KLHL14: variants seen among roughly 807,000 people sequenced by gnomAD.
KLHL14 encodes the protein kelch-like protein 14.
Under a neutral mutation model 64.3 loss-of-function variants are expected in KLHL14, and 22 were observed. That is an observed-to-expected ratio of 0.34 (90% confidence interval 0.24 to 0.49). KLHL14 has a LOEUF of 0.49. KLHL14 is among the 20% of genes least tolerant of loss of function. The pLI, the probability that KLHL14 is intolerant of heterozygous loss-of-function variation, is 0.99. For missense variants in KLHL14, 661 were observed against 789.0 expected (o/e 0.84, Z 1.94); for synonymous variants, 322 against 333.4 (o/e 0.97, Z 0.37).
chr18:32,747,535 G>A (rs2050229766), intron 2 of KLHL14, among the ~76,000 whole-genome samples: 2 of 152,134 alleles, frequency 1.3e-5, no homozygotes, highest in Admixed American at 6.5e-5. Context: ...GCGCTCATAT[G>A]AGAATCTGAT....
intron 2 of KLHL14, among the ~76,000 whole-genome samples, chr18:32,767,844 T>C (rs2050354772): frequency 1.3e-5 from 2 of 152,266 alleles, no homozygotes; most frequent in Admixed American, 1.3e-4. Flanking sequence ...TTAATTTTAT[T>C]ATTCCTCTGG....
Sources: gnomAD v4.1 joint callset for allele counts (sites outside exome capture counted in the v4.1 genomes callset) on GRCh38, gnomAD v4.1.1 for gene constraint, MANE v1.5 for transcripts, NCBI Gene and HGNC (gene_info 2026-07-23, HGNC 2026-07-21) for gene names.